Variants in FREM3 observed in about 807,000 individuals in gnomAD.
The protein encoded by FREM3 is FRAS1-related extracellular matrix protein 3.
Under a neutral mutation model 129.1 loss-of-function variants are expected in FREM3, and 105 were observed. That is an observed-to-expected ratio of 0.81 (90% CI 0.69 to 0.96). FREM3 has a LOEUF of 0.96. Ranked by LOEUF, FREM3 falls within the 40% of genes least tolerant of loss-of-function variation. The pLI is 0.00. For synonymous variants in FREM3, 1,014 were observed against 1,044.9 expected, an observed-to-expected ratio of 0.97 and a Z score of 0.57; for missense variants, 2,593 against 2,666.3, an observed-to-expected ratio of 0.97 and a Z score of 0.61.
intron 2 of FREM3, among the ~76,000 whole-genome samples, chr4:143,662,806 C>G (rs1395970698): frequency 6.6e-6 from 1 of 151,982 alleles, no homozygotes; most frequent in Non-Finnish European, 1.5e-5. Context: ...GTTAGCTCTT[C>G]TTGTTGAATT....
chr4:143,663,941 C>A (rs1327402257), intron 2 of FREM3, among the ~76,000 whole-genome samples: 1 of 152,114 alleles, frequency 6.6e-6, no homozygotes, highest in Non-Finnish European at 1.5e-5. Context: ...TCCATCAGCT[C>A]CTTTAAGCAC....
chr4:143,621,133 A>G lies in FREM3; in HGVS notation c.5683T>C (p.Tyr1895His). 1.3e-6 allele frequency: 2 copies of G among 1,537,082 alleles called. No individual in the cohort carries two copies. Among genetic ancestry groups the G allele is most frequent in the South Asian group, 2.4e-5 (2 of 84,050 alleles). The change falls in exon 5 of 8, where the codon TAC (tyrosine) becomes CAC (histidine). Residue 1895 changes from tyrosine to histidine, a missense_variant. Tyr to His is a moderately conservative substitution (Grantham distance 83). This residue lies in a region of FREM3 where 317 missense variants were observed against 399.0 expected (regional missense o/e 0.79). Coordinates refer to ENST00000329798, the MANE Select transcript of FREM3 (RefSeq NM_001168235.2). Reference sequence around the variant, plus strand: ...TCCCCAATGTCCTCTTCTATTTTGTATTCCGCCTCTGGAATATAAACTGTT... The same window carrying G: ...TCCCCAATGTCCTCTTCTATTTTGTGTTCCGCCTCTGGAATATAAACTGTT... ...ESTVYIPEAEYKIEEDIGELL... is the reference protein window; with the variant it reads ...ESTVYIPEAEHKIEEDIGELL...
In FREM3 at chr4:143,611,304, C is replaced by A; in HGVS notation, c.6003G>T (p.Val2001=). 1 of 1,536,960 alleles carries A rather than the reference C, an allele frequency of 6.5e-7. No individual in the cohort carries two copies. Among genetic ancestry groups the A allele is most frequent in the South Asian group, 1.2e-5 (1 of 84,014 alleles). Reference sequence around the variant, plus strand: ...CATCATAACGATCAGCCAGAATAGTCACCTTAGTGGTGGGGAATCTGGCTC... The same window carrying A: ...CATCATAACGATCAGCCAGAATAGTAACCTTAGTGGTGGGGAATCTGGCTC... ...QLGARFPTTK[V]TILADRYDEP... The change falls in exon 6 of 8, where the codon GTG becomes GTT. Residue 2001 remains valine (V), a synonymous_variant. Coordinates refer to ENST00000329798, the MANE Select transcript of FREM3 (RefSeq NM_001168235.2).
At chr4:143,677,882 A>G (rs567543583) in intron 2 of FREM3, among the ~76,000 whole-genome samples, 1 of 152,362 alleles carries the variant, frequency 6.6e-6, no homozygotes, top group East Asian at 1.9e-4. Flanking sequence ...TTAAAAAGTC[A>G]GGAAACAACA....
chr4:143,605,268 T>A (rs1738648890), intron 6 of FREM3, among the ~76,000 whole-genome samples: 1 of 152,142 alleles, frequency 6.6e-6, no homozygotes, highest in Non-Finnish European at 1.5e-5. Context: ...CTACCAAGTT[T>A]TAAGTAAAAA....
chr4:143,678,855 T>C (rs1435966522), intron 2 of FREM3, among the ~76,000 whole-genome samples: 1 of 151,710 alleles, frequency 6.6e-6, no homozygotes, highest in Non-Finnish European at 1.5e-5. Flanking sequence ...TAGTTTATTA[T>C]ATATATGATG....
chr4:143,624,677 C>T (rs1448718802), intron 3 of FREM3, among the ~76,000 whole-genome samples: 2 of 152,120 alleles, frequency 1.3e-5, no homozygotes, highest in Admixed American at 6.6e-5. Flanking sequence ...AAGAAATTGT[C>T]CCAGCCCCCA....
intron 2 of FREM3, among the ~76,000 whole-genome samples, chr4:143,651,196 T>A (rs1447657914): frequency 6.6e-6 from 1 of 152,252 alleles, no homozygotes; most frequent in Non-Finnish European, 1.5e-5. Flanking sequence ...CCTGCTTTTT[T>A]AAATGGTTGC....
intron 4 of FREM3, 79 bp from the exon 5 acceptor site, chr4:143,621,241 A>G (rs1467169714): frequency 2.3e-6 from 3 of 1,325,826 alleles, no homozygotes; most frequent in South Asian, 1.4e-5. Flanking sequence ...GCAGAAATGT[A>G]CAAAGCCTTT....
At chr4:143,603,836 T>G (rs187373050) in intron 6 of FREM3, among the ~76,000 whole-genome samples, 80 of 152,232 alleles carry the variant, frequency 5.3e-4, no homozygotes, top group Admixed American at 2.4e-3. Context: ...CCCCTGTAAT[T>G]CAACAGTGTA....
intron 6 of FREM3, among the ~76,000 whole-genome samples, chr4:143,599,223 T>C (rs541349801): frequency 8.5e-5 from 13 of 152,272 alleles, no homozygotes; most frequent in African/African-American, 3.1e-4. Flanking sequence ...AAATTTGGCT[T>C]TATTTTAAGT....
chr4:143,645,211 T>C (rs1031744329), intron 2 of FREM3: 2 of 152,204 alleles, frequency 1.3e-5, no homozygotes, highest in Admixed American at 1.3e-4. Context: ...AAGACATTCA[T>C]GGTCTGTGGA....
In FREM3 at chr4:143,695,881, G is replaced by A. The variant is rs1338161477; in HGVS notation, c.4795C>T (p.Gln1599Ter). The A allele has an allele frequency of 1.3e-6, 2 of 1,537,432 alleles. No homozygotes were observed. The highest frequency in any genetic ancestry group is 1.4e-5 in the African/African-American group (1 of 73,024). ...GSRPVTTFTK[Q>*]DLNKNLISYK... is the part of the protein sequence containing the mutation. Reference sequence around the variant, plus strand: ...CTAATCAGGTTCTTGTTCAGGTCTTGCTTGGTGAAAGTGGTCACGGGACGG... The same window carrying A: ...CTAATCAGGTTCTTGTTCAGGTCTTACTTGGTGAAAGTGGTCACGGGACGG... The change falls in exon 1 of 8, where the codon CAA becomes TAA. Residue 1599 changes from glutamine (Q) to a stop codon, truncating the protein, a stop_gained. Transcript: ENST00000329798. LOFTEE classifies it high-confidence loss of function.
At chr4:143,686,145 C>T (rs759371034) in intron 2 of FREM3, among the ~76,000 whole-genome samples, 7 of 152,052 alleles carry the variant, frequency 4.6e-5, no homozygotes, top group Non-Finnish European at 8.8e-5. Flanking sequence ...TTCATGCAAA[C>T]GGACACCAAA....
rs200159668 is a variant in FREM3 at position 143,621,742 on chromosome 4, A to ATG, written c.5654-582_5654-581dup. On this transcript the variant is annotated intron_variant, in intron 4 of 7. Coordinates refer to ENST00000329798, the MANE Select transcript of FREM3 (RefSeq NM_001168235.2). ...TGCACACACGTTTGTGTGTGTGTGTATGTGTGTGTGTGCATACACCTAGAC... is the reference window on the plus strand; with the variant it reads ...TGCACACACGTTTGTGTGTGTGTGTATGTGTGTGTGTGTGCATACACCTAGAC... Among the ~76,000 whole-genome samples, 613 of 152,042 alleles carry ATG rather than the reference A, an allele frequency of 4.0e-3. 2 individuals are homozygous for ATG. Among genetic ancestry groups the ATG allele is most frequent in the African/African-American group, 0.014 (572 of 41,474 alleles).
intron 2 of FREM3, 133 bp downstream of exon 2, chr4:143,692,980 T>C: frequency 2.2e-6 from 1 of 455,256 alleles, no homozygotes; most frequent in Non-Finnish European, 3.9e-6. Context: ...TTTGTTTGTA[T>C]TATGACATTA....
Position 143,698,969 on chromosome 4 carries a change from A to G in FREM3, c.1707T>C (p.Ala569=). The G allele has an allele frequency of 6.5e-7, 1 of 1,537,278 alleles. No homozygotes were observed. The highest frequency in any genetic ancestry group is 8.7e-7 in the Non-Finnish European group (1 of 1,146,914). The change falls in exon 1 of 8, where the codon GCT becomes GCC. Residue 569 remains alanine (A), a synonymous_variant. Coordinates refer to ENST00000329798, the MANE Select transcript of FREM3 (RefSeq NM_001168235.2). ...VVQISPFVLS[A]TDIDSEDSTI... Reference sequence around the variant, plus strand: ...TTGAGTCCTCAGAGTCAATATCAGTAGCACTCAGTACAAAGGGAGAGATCT... The same window carrying G: ...TTGAGTCCTCAGAGTCAATATCAGTGGCACTCAGTACAAAGGGAGAGATCT...
rs11100801 is a variant in FREM3 at position 143,665,264 on chromosome 4, C to G, written c.5275+27849G>C. On this transcript the variant is annotated intron_variant, in intron 2 of 7. Transcript: ENST00000329798. Reference sequence around the variant, plus strand: ...CCGATTATTGGTCATTTTCTTGGGACGCTTTCCTTGAGTCATCAAGGATGA... The same window carrying G: ...CCGATTATTGGTCATTTTCTTGGGAGGCTTTCCTTGAGTCATCAAGGATGA... Among the ~76,000 whole-genome samples the G allele has an allele frequency of 3.2e-3, 489 of 151,936 alleles. 10 individuals carry two copies. The highest frequency in any genetic ancestry group is 6.8e-3 in the Middle Eastern group (2 of 294).
Position 143,624,187 on chromosome 4 carries a change from C to T in FREM3, c.5574G>A (p.Gln1858=). The T allele has an allele frequency of 6.5e-7, 1 of 1,536,960 alleles. No homozygotes were observed. The highest frequency in any genetic ancestry group is 8.7e-7 in the Non-Finnish European group (1 of 1,146,678). ...CCATGAGAGGTTCAGACAGAATGAT[C>T]TGGAAGGTCTCTGAAGTCTCATATT... ...DNEYETSETF[Q]IILSEPLMAV... is the part of the protein sequence containing the mutation. Residue 1858 remains glutamine (Q), a synonymous_variant, in exon 4 of 8, where the codon CAG becomes CAA. Transcript: ENST00000329798.
Sources: gnomAD v4.1 joint callset for allele counts (sites outside exome capture counted in the v4.1 genomes callset) on GRCh38, gnomAD v4.1.1 for gene constraint, gnomAD v4.1.1 regional missense constraint, MANE v1.5 for transcripts, NCBI Gene and HGNC (gene_info 2026-07-23, HGNC 2026-07-21) for gene names.